Variants in NEO1 observed in about 807,000 individuals in gnomAD.
NEO1 encodes the protein neogenin 1, also known as neogenin.
A neutral mutation model predicts 159.7 loss-of-function variants in NEO1; 63 were observed. The observed-to-expected ratio is 0.39, with a 90% CI of 0.32 to 0.49. The LOEUF is 0.49. Ranked by LOEUF, NEO1 falls within the 20% of genes least tolerant of loss-of-function variation. The pLI is 0.85. For missense variants in NEO1, 1,615 were observed against 1,831.0 expected, an observed-to-expected ratio of 0.88 and a Z score of 2.15; for synonymous variants, 633 against 662.0, an observed-to-expected ratio of 0.96 and a Z score of 0.67.
In NEO1 at chr15:73,205,705, C is replaced by G. The variant is rs1564344; in HGVS notation, c.1291+27278C>G. 6.1e-3 allele frequency among the ~76,000 whole-genome samples: 923 copies of G among 152,294 alleles called. 13 individuals carry two copies. Among genetic ancestry groups the G allele is most frequent in the African/African-American group, 0.021 (877 of 41,552 alleles). On this transcript the variant is annotated intron_variant, in intron 7 of 28. Coordinates refer to ENST00000261908, the MANE Select transcript of NEO1 (RefSeq NM_002499.4). ...AGCAAATCTTGGTTGCTGTATGTCTCTGAATGCACCTGTCTCTACAGTTTG... is the reference window on the plus strand; with the variant it reads ...AGCAAATCTTGGTTGCTGTATGTCTGTGAATGCACCTGTCTCTACAGTTTG...
At position 73,273,499 on chromosome 15, in the gene NEO1, G is replaced by A. The variant is rs575362896; in HGVS notation, c.2966-312G>A. Among the ~76,000 whole-genome samples, 8 of 152,262 alleles carry A rather than the reference G, an allele frequency of 5.3e-5. No individual in the cohort carries two copies. The South Asian group carries it at 1.2e-3, about 24-fold the overall frequency. ...CGCAGTGCCCTTTTGCTGTGGGTCAGATAGATTCATGGTTGTGATGCTTCC... is the reference window on the plus strand; with the variant it reads ...CGCAGTGCCCTTTTGCTGTGGGTCAAATAGATTCATGGTTGTGATGCTTCC... On this transcript the variant is annotated intron_variant, in intron 19 of 28. Coordinates refer to ENST00000261908, the MANE Select transcript of NEO1 (RefSeq NM_002499.4).
At position 73,298,513 on chromosome 15, in the gene NEO1, C is replaced by T; in HGVS notation, c.4067C>T (p.Ser1356Phe). 1.2e-6 allele frequency: 2 copies of T among 1,614,208 alleles called. No individual in the cohort carries two copies. The highest frequency in any genetic ancestry group is 1.7e-6 in the Non-Finnish European group (2 of 1,180,046). The part of the protein sequence containing the change: ...QSLPTAHVRP[S>F]HPLKSFAVPA... ...CTTCCCACTGCCCATGTTCGCCCTT[C>T]CCACCCATTGAAGAGCTTCGCCGTG... The change falls in exon 27 of 29, where the codon TCC becomes TTC. Residue 1356 changes from serine (S) to phenylalanine (F), a missense_variant. Ser to Phe is a radical substitution (Grantham distance 155). This residue lies in a region of NEO1 where 471 missense variants were observed against 498.9 expected (regional missense o/e 0.94). Transcript: ENST00000261908.
intron 7 of NEO1, among the ~76,000 whole-genome samples, chr15:73,216,741 G>C (rs1384111259): frequency 6.6e-6 from 1 of 152,162 alleles, no homozygotes; most frequent in Non-Finnish European, 1.5e-5. Context: ...CTTTTGAGAA[G>C]TGTCTGTTCA....
intron 4 of NEO1, among the ~76,000 whole-genome samples, chr15:73,132,133 T>C (rs571660004): frequency 6.6e-6 from 1 of 152,360 alleles, no homozygotes; most frequent in South Asian, 2.1e-4. Flanking sequence ...TGCTCAGTGC[T>C]ATATCCCCAG....
Position 73,160,242 on chromosome 15 carries a change from G to T in NEO1, c.1016-16161G>T, listed in dbSNP as rs116630068. ...TCCTATTCTCTACTTTCTGCTCAAC[G>T]CAGAAAACCTCTGTGATCCCAGAAT... On this transcript the variant is annotated intron_variant, in intron 5 of 28. Transcript: ENST00000261908. Among the ~76,000 whole-genome samples the T allele has an allele frequency of 1.7e-3, 255 of 152,120 alleles. 1 individual carries two copies. The highest frequency in any genetic ancestry group is 6.0e-3 in the African/African-American group (249 of 41,510).
At chr15:73,174,846 G>A (rs2035191417) in intron 5 of NEO1, among the ~76,000 whole-genome samples, 1 of 152,176 alleles carries the variant, frequency 6.6e-6, no homozygotes, top group African/African-American at 2.4e-5. Context: ...AAAGGATCAA[G>A]TCAAATTTGC....
At position 73,301,201 on chromosome 15, in the gene NEO1, A is replaced by G. The variant is rs1055723594; in HGVS notation, c.4166-120A>G. ...TATTCCAGTAACTTTTCAGAGCAGT[A>G]TCCCTGCACTGGGTCTGTATGTCTC... On this transcript the variant is annotated intron_variant, in intron 27 of 28. Transcript: ENST00000261908. The G allele has an allele frequency of 2.7e-5, 35 of 1,278,334 alleles. No homozygotes were observed. The South Asian group carries it at 4.3e-4, about 16-fold the overall frequency. 79.2% of individuals were successfully genotyped at this position (1,278,334 alleles called of 1,614,324 possible).
chr15:73,122,061 GTGTATATATATATATATATA>G (rs1206530257), intron 2 of NEO1, among the ~76,000 whole-genome samples: 1 of 63,728 alleles, frequency 1.6e-5, no homozygotes, highest in Non-Finnish European at 3.9e-5. Flanking sequence ...GTGTGTGTGT[GTGTATATATATATATATATA>G]TATATATATA....
chr15:73,052,420 C>CCCG (rs1445695793), upstream of NEO1: 1 of 88,976 alleles, frequency 1.1e-5, no homozygotes, highest in African/African-American at 3.6e-5. Flanking sequence ...CCGCCCCCCC[C>CCCG]CCCCCGCCCC....
At chr15:73,118,114 G>A (rs1002326498) in intron 2 of NEO1, among the ~76,000 whole-genome samples, 2 of 151,828 alleles carry the variant, frequency 1.3e-5, no homozygotes, top group African/African-American at 2.4e-5. Context: ...CCTTCCTCTC[G>A]GCTGTCCCCC....
chr15:73,221,415 A>G (rs2038252939), intron 7 of NEO1, among the ~76,000 whole-genome samples: 2 of 152,222 alleles, frequency 1.3e-5, no homozygotes, highest in South Asian at 4.1e-4. Context: ...GCCCGTTCTC[A>G]GATCTCCAGC....
At chr15:73,192,314 G>C (rs1489845749) in intron 7 of NEO1, among the ~76,000 whole-genome samples, 2 of 151,942 alleles carry the variant, frequency 1.3e-5, no homozygotes, top group African/African-American at 2.4e-5. Context: ...ATATTTTTCT[G>C]TGACTTTTGA....
chr15:73,112,115 T>C (rs1460334808), intron 1 of NEO1, among the ~76,000 whole-genome samples: 2 of 152,114 alleles, frequency 1.3e-5, no homozygotes, highest in African/African-American at 4.8e-5. Context: ...TATAATCATA[T>C]ACATATGAAA....
In NEO1 at chr15:73,288,509, T is replaced by G. The variant is rs1465497410; in HGVS notation, c.3607T>G (p.Ser1203Ala). Reference sequence around the variant, plus strand: ...TCAAGATATCACACCAGTTGACAACTCCATGGACAGCAATATCCATCAAAG... The same window carrying G: ...TCAAGATATCACACCAGTTGACAACGCCATGGACAGCAATATCCATCAAAG... ...NSQDITPVDN[S>A]MDSNIHQRRN... The change falls in exon 24 of 29, where the codon TCC becomes GCC. Residue 1203 changes from serine (S) to alanine (A), a missense_variant. This residue lies in a region of NEO1 where 471 missense variants were observed against 498.9 expected (regional missense o/e 0.94). Coordinates refer to ENST00000261908, the MANE Select transcript of NEO1 (RefSeq NM_002499.4). The G allele has an allele frequency of 6.2e-7, 1 of 1,614,104 alleles. No homozygotes were observed. The highest frequency in any genetic ancestry group is 1.1e-5 in the South Asian group (1 of 91,084).
At chr15:73,071,905 G>T (rs1004056747) in intron 1 of NEO1, among the ~76,000 whole-genome samples, 2 of 151,798 alleles carry the variant, frequency 1.3e-5, no homozygotes, top group African/African-American at 2.4e-5. Flanking sequence ...CCATAGAAAT[G>T]ATCATACTAT....
intron 1 of NEO1, among the ~76,000 whole-genome samples, chr15:73,053,080 C>T (rs1026648513): frequency 6.6e-6 from 1 of 151,952 alleles, no homozygotes; most frequent in Non-Finnish European, 1.5e-5. Context: ...CCCCTCGCCT[C>T]TCTCCCCTCC....
intron 5 of NEO1, among the ~76,000 whole-genome samples, chr15:73,153,875 A>G (rs1031098660): frequency 4.6e-5 from 7 of 152,162 alleles, no homozygotes; most frequent in African/African-American, 9.7e-5. Context: ...AACCTTATCA[A>G]AAATAGTTGT....
At chr15:73,124,137 G>A (rs768425281) in intron 3 of NEO1, among the ~76,000 whole-genome samples, 3 of 152,202 alleles carry the variant, frequency 2.0e-5, no homozygotes, top group Non-Finnish European at 4.4e-5. Context: ...ATCTTGGTTC[G>A]CTGCAGCCTT....
chr15:73,217,082 AATCC>A (rs1676670509), intron 7 of NEO1, among the ~76,000 whole-genome samples: 1 of 152,124 alleles, frequency 6.6e-6, no homozygotes, highest in South Asian at 2.1e-4. Context: ...TTAAGTCTTT[AATCC>A]ATCTTGAACT....
Sources: gnomAD v4.1 joint callset for allele counts (sites outside exome capture counted in the v4.1 genomes callset) on GRCh38, gnomAD v4.1.1 for gene constraint, gnomAD v4.1.1 regional missense constraint, MANE v1.5 for transcripts, NCBI Gene and HGNC (gene_info 2026-07-23, HGNC 2026-07-21) for gene names.